Variants in NRXN2 observed in about 807,000 individuals in gnomAD.
NRXN2 encodes the protein neurexin-2-beta.
A neutral mutation model predicts 128.8 loss-of-function variants in NRXN2; 29 were observed. The ratio of observed to expected loss-of-function variants is 0.23; its 90% CI spans 0.17 to 0.31. The LOEUF is 0.31. Ranked by LOEUF, NRXN2 falls within the 10% of genes least tolerant of loss-of-function variation. The probability of loss-of-function intolerance (pLI) is 1.00; values close to 1 mark genes in which losing one functional copy is unlikely to be tolerated. For missense variants in NRXN2, 1,881 were observed against 2,452.6 expected, an observed-to-expected ratio of 0.77 and a Z score of 4.92; for synonymous variants, 1,098 against 1,075.2, an observed-to-expected ratio of 1.02 and a Z score of -0.41.
In NRXN2 at chr11:64,606,859, A is replaced by G. The variant is rs755638956; in HGVS notation, c.*337T>C. On this transcript the variant is annotated 3_prime_UTR_variant, in exon 23 of 23. Coordinates refer to ENST00000265459, the MANE Select transcript of NRXN2 (RefSeq NM_015080.4). ...ACAGGACGAGCAGTGGACACTTTACAAAACCCCCAGCCTTCCTTCCCACCC... is the reference window on the plus strand; with the variant it reads ...ACAGGACGAGCAGTGGACACTTTACGAAACCCCCAGCCTTCCTTCCCACCC... 3 of 312,292 alleles carry G rather than the reference A, an allele frequency of 9.6e-6. No homozygotes were observed. Among genetic ancestry groups the G allele is most frequent in the Non-Finnish European group, 6.0e-6 (1 of 166,414 alleles). 19.3% of individuals were successfully genotyped at this position (312,292 alleles called of 1,614,324 possible). A position where few individuals can be genotyped will look rare whatever the true frequency, so the allele number is the denominator to read the frequency against.
intron 2 of NRXN2, among the ~76,000 whole-genome samples, chr11:64,704,703 G>A (rs543394454): frequency 6.6e-4 from 97 of 146,698 alleles, no homozygotes; most frequent in African/African-American, 2.3e-3. Flanking sequence ...CTCCTCCTAC[G>A]GGTGGAGACA....
intron 4 of NRXN2, among the ~76,000 whole-genome samples, chr11:64,692,638 A>T (rs2053956057): frequency 6.6e-6 from 1 of 152,192 alleles, no homozygotes; most frequent in African/African-American, 2.4e-5. Context: ...AGAGGGGAGC[A>T]CACAGACAAG....
chr11:64,688,752 A>C (rs2053432373), intron 5 of NRXN2: 62 of 985,072 alleles, frequency 6.3e-5, no homozygotes, highest in Non-Finnish European at 7.5e-5. Flanking sequence ...GAATGTGGCT[A>C]GAGACTAGTT....
Position 64,713,050 on chromosome 11 carries a change from C to T in NRXN2, c.650G>A (p.Gly217Asp). The stretch of plus-strand genomic sequence containing the variant: ...GCCGGGGGCCAGCACGGTGCAGAGG[C>T]CGCCGTTGGCGCAGGGGTTGCGCGC... ...APARNPCANG[G>D]LCTVLAPGEV... Residue 217 changes from glycine to aspartate, a missense_variant, in exon 2 of 23, where the codon GGC (glycine) becomes GAC (aspartate). Physicochemically the swap from Gly to Asp is moderately conservative, Grantham distance 94. This residue lies in a region of NRXN2 where 997 missense variants were observed against 1,240.8 expected (regional missense o/e 0.80). Coordinates refer to ENST00000265459, the MANE Select transcript of NRXN2 (RefSeq NM_015080.4). 7.6e-7 allele frequency: 1 copy of T among 1,321,092 alleles called. No homozygotes were observed. Among genetic ancestry groups the T allele is most frequent in the South Asian group, 2.2e-5 (1 of 45,870 alleles). The allele number at this position is 1,321,092 out of a possible 1,614,324, so 81.8% of individuals were successfully genotyped here.
At position 64,662,937 on chromosome 11, in the gene NRXN2, G is replaced by A. The variant is rs192849819; in HGVS notation, c.1799-1798C>T. Among the ~76,000 whole-genome samples the A allele has an allele frequency of 3.3e-5, 5 of 152,250 alleles. No homozygotes were observed. The East Asian group carries it at 9.6e-4, about 29-fold the overall frequency. ...TAAAGAGAGGTTAAGGAGGGTTTGG[G>A]TCTGCATGAGGCCTGAATTTGGCAG... On this transcript the variant is annotated intron_variant, in intron 9 of 22. Transcript: ENST00000265459.
intron 5 of NRXN2, among the ~76,000 whole-genome samples, chr11:64,687,880 G>A (rs1478948964): frequency 6.6e-6 from 1 of 152,156 alleles, no homozygotes; most frequent in African/African-American, 2.4e-5. Flanking sequence ...GCTTTCTGGG[G>A]CCTTGCTGTT....
intron 17 of NRXN2, among the ~76,000 whole-genome samples, chr11:64,636,141 C>T (rs1442384721): frequency 6.7e-6 from 1 of 149,326 alleles, no homozygotes; most frequent in Non-Finnish European, 1.5e-5. Context: ...GATTGACAGC[C>T]AGAGGAGGAA....
At chr11:64,704,623 C>CACACAGAGAGAGAG (rs1336665936) in intron 2 of NRXN2, among the ~76,000 whole-genome samples, 14 of 81,198 alleles carry the variant, frequency 1.7e-4, no homozygotes, top group East Asian at 3.6e-4. Context: ...CACACACACA[C>CACACAGAGAGAGAG]AGAGAGAGAG....
At chr11:64,699,685 T>C (rs2055058245) in intron 2 of NRXN2, among the ~76,000 whole-genome samples, 2 of 152,274 alleles carry the variant, frequency 1.3e-5, no homozygotes, top group South Asian at 4.1e-4. Flanking sequence ...AGTGCTGGGA[T>C]TACAGGCATG....
rs372148327 is a variant in NRXN2 at position 64,680,302 on chromosome 11, G to A, written c.1153-3265C>T. On this transcript the variant is annotated intron_variant, in intron 6 of 22. Transcript: ENST00000265459. ...GGGGTGAAGACAATCTGTGGACCTT[G>A]AGTAAGAGAAGCTCAGGACAAAGAG... 3.9e-5 allele frequency among the ~76,000 whole-genome samples: 6 copies of A among 152,190 alleles called. No individual in the cohort carries two copies. In the East Asian group the frequency reaches 9.6e-4, roughly 24 times the overall value.
chr11:64,642,498 C>G, intron 17 of NRXN2: 3 of 1,587,850 alleles, frequency 1.9e-6, no homozygotes, highest in Non-Finnish European at 2.6e-6. Flanking sequence ...GCCCCCCGCC[C>G]CCGGGCCAAC....
At chr11:64,668,395 G>C in intron 8 of NRXN2, 48 bp downstream of exon 8, 1 of 1,608,370 alleles carries the variant, frequency 6.2e-7, no homozygotes, top group East Asian at 2.2e-5. Flanking sequence ...GAAGACAGGA[G>C]ACAAAGGGCT....
chr11:64,686,867 T>C (rs190419060), intron 5 of NRXN2, among the ~76,000 whole-genome samples: 18 of 152,278 alleles, frequency 1.2e-4, no homozygotes, highest in Admixed American at 6.5e-4. Flanking sequence ...CAAAAACTAC[T>C]GGGAGAGGCT....
In NRXN2 at chr11:64,607,816, G is replaced by C. The variant is rs749398433; in HGVS notation, c.4519C>G (p.Pro1507Ala). 9.4e-6 allele frequency: 15 copies of C among 1,601,796 alleles called. No homozygotes were observed. Among genetic ancestry groups the C allele is most frequent in the African/African-American group, 1.3e-5 (1 of 74,616 alleles). The change falls in exon 23 of 23, where the codon CCC becomes GCC. Residue 1507 changes from proline to alanine, a missense_variant. By Grantham distance (27) the Pro-to-Ala change is conservative. This residue lies in a region of NRXN2 where 310 missense variants were observed against 318.2 expected (regional missense o/e 0.97). Transcript: ENST00000265459. ...SGEVFDSSLPPTDDEDFYTTF... is the reference protein window; with the variant it reads ...SGEVFDSSLPATDDEDFYTTF... Reference sequence around the variant, plus strand: ...GTGTAAAAGTCCTCGTCGTCCGTGGGGGGGAGGCTGGAGTCAAAGACCTCC... The same window carrying C: ...GTGTAAAAGTCCTCGTCGTCCGTGGCGGGGAGGCTGGAGTCAAAGACCTCC...
chr11:64,678,773 T>A (rs76861593), intron 6 of NRXN2, among the ~76,000 whole-genome samples: 1 of 151,636 alleles, frequency 6.6e-6, no homozygotes, highest in African/African-American at 2.4e-5. Flanking sequence ...GCCTGTTAAA[T>A]ACTAAACTGC....
intron 19 of NRXN2, among the ~76,000 whole-genome samples, chr11:64,628,971 A>G (rs928526249): frequency 2.0e-5 from 3 of 152,172 alleles, no homozygotes; most frequent in African/African-American, 7.2e-5. Context: ...CTGTGTGTAC[A>G]TGAACCTCTG....
At chr11:64,697,676 GGCAGGAAAGGGA>G in intron 3 of NRXN2, 87 bp downstream of exon 3, 1 of 1,415,614 alleles carries the variant, frequency 7.1e-7, no homozygotes, top group Non-Finnish European at 9.9e-7. Context: ...CCCTAAACAT[GGCAGGAAAGGGA>G]GTCCTTGGGT....
chr11:64,645,898 G>T (rs997856514), intron 17 of NRXN2, among the ~76,000 whole-genome samples: 1 of 152,162 alleles, frequency 6.6e-6, no homozygotes, highest in African/African-American at 2.4e-5. Flanking sequence ...TGCGCCCCCA[G>T]GGCCTCCCAC....
Position 64,607,540 on chromosome 11 carries a change from CG to C in NRXN2, c.4794del (p.Gly1599AlafsTer2). The C allele has an allele frequency of 6.4e-7, 1 of 1,561,266 alleles. No homozygotes were observed. On this transcript the variant is annotated frameshift_variant, in exon 23 of 23. Coordinates refer to ENST00000265459, the MANE Select transcript of NRXN2 (RefSeq NM_015080.4). LOFTEE classifies it high-confidence loss of function. ...GGGAAGCCGGGGGCTGAGGTCACGC[CG>C]GGGCGCAGGGGAGGGGGCCTCCGCG... ...FEPRRPPPLR[P>X]GVTSAPGFPH...
Sources: allele counts gnomAD v4.1 joint callset (sites outside exome capture counted in the v4.1 genomes callset), GRCh38; gene constraint gnomAD v4.1.1; regional missense constraint gnomAD v4.1.1; transcripts MANE v1.5; gene names NCBI Gene and HGNC (gene_info 2026-07-23, HGNC 2026-07-21).